GAB1: variants seen among roughly 807,000 people sequenced by gnomAD.
GAB1 encodes the protein GRB2 associated binding protein 1.
A neutral mutation model predicts 66.5 loss-of-function variants in GAB1; 19 were observed. The ratio of observed to expected loss-of-function variants is 0.29; its 90% CI spans 0.20 to 0.42. The LOEUF is 0.42. Among genes scored for constraint, GAB1 ranks in the 10% least tolerant of loss-of-function variants. The pLI, the probability that GAB1 is intolerant of heterozygous loss-of-function variation, is 1.00. For missense variants in GAB1, 732 were observed against 858.5 expected (o/e 0.85, Z 1.84); for synonymous variants, 294 against 301.4 (o/e 0.98, Z 0.25).
In GAB1 at chr4:143,433,625, C is replaced by G; in HGVS notation, c.502C>G (p.Pro168Ala). 1 of 1,613,974 alleles carries G rather than the reference C, an allele frequency of 6.2e-7. No individual in the cohort carries two copies. The highest frequency in any genetic ancestry group is 8.5e-7 in the Non-Finnish European group (1 of 1,179,890). The change falls in exon 3 of 10, where the codon CCA (proline) becomes GCA (alanine). Residue 168 changes from proline to alanine, a missense_variant. By Grantham distance (27) the Pro-to-Ala change is conservative. Coordinates refer to ENST00000262994, the MANE Select transcript of GAB1 (RefSeq NM_002039.4). Reference protein sequence around the residue: ...LPPPYQLINVPPHLETLGIQE... With the variant: ...LPPPYQLINVAPHLETLGIQE... ...TCCTCCATATCAGCTAATCAATGTTCCACCACACCTGGAAACTCTTGGCAT... is the reference window on the plus strand; with the variant it reads ...TCCTCCATATCAGCTAATCAATGTTGCACCACACCTGGAAACTCTTGGCAT...
chr4:143,457,831 GT>G, intron 6 of GAB1: 5 of 900,910 alleles, frequency 5.5e-6, no homozygotes, highest in Admixed American at 3.3e-5. Context: ...AATGTTTTTT[GT>G]TTTTTTTCTA....
At chr4:143,396,430 A>G (rs1271427576) in intron 1 of GAB1, among the ~76,000 whole-genome samples, 1 of 152,066 alleles carries the variant, frequency 6.6e-6, no homozygotes, top group Non-Finnish European at 1.5e-5. Flanking sequence ...AGATGGGGGG[A>G]AAGGATGAAA....
chr4:143,380,166 T>A (rs985732749), intron 1 of GAB1, among the ~76,000 whole-genome samples: 2 of 151,392 alleles, frequency 1.3e-5, no homozygotes, highest in African/African-American at 2.4e-5. Context: ...TCAGTTTTTT[T>A]ATTCATAAAA....
chr4:143,445,227 C>A (rs1420643957), intron 6 of GAB1, among the ~76,000 whole-genome samples: 2 of 152,146 alleles, frequency 1.3e-5, no homozygotes, highest in Admixed American at 6.6e-5. Flanking sequence ...ATAAGCATTC[C>A]CTTTTCTTCA....
intron 1 of GAB1, among the ~76,000 whole-genome samples, chr4:143,338,813 C>T (rs772329010): frequency 4.1e-4 from 62 of 151,852 alleles, no homozygotes; most frequent in Non-Finnish European, 5.6e-4. Flanking sequence ...AAAACAGATT[C>T]TTGGAGGAAT....
At chr4:143,402,826 C>T (rs28925883) in intron 1 of GAB1, among the ~76,000 whole-genome samples, 3,091 of 152,312 alleles carry the variant, frequency 0.02, 95 homozygotes, top group African/African-American at 0.071. Context: ...AATCCCTGTG[C>T]TCCAAACTGA....
chr4:143,395,720 A>G (rs1235027861), intron 1 of GAB1: 6 of 334,984 alleles, frequency 1.8e-5, no homozygotes, highest in Admixed American at 1.3e-4. Context: ...TTTTGAAACC[A>G]TGTTCTTTTA....
intron 1 of GAB1, among the ~76,000 whole-genome samples, chr4:143,414,086 G>T (rs7663082): frequency 0.029 from 4,344 of 152,074 alleles, 211 homozygotes; most frequent in African/African-American, 0.1. Context: ...GCCTCCCAAT[G>T]TGCTGGGATT....
At chr4:143,461,369 A>G (rs991521709) in intron 8 of GAB1, among the ~76,000 whole-genome samples, 16 of 152,296 alleles carry the variant, frequency 1.1e-4, no homozygotes, top group African/African-American at 9.6e-5. Context: ...GCTCTGTTCC[A>G]TAGAGTCTTC....
intron 1 of GAB1, among the ~76,000 whole-genome samples, chr4:143,379,025 C>A (rs761193134): frequency 1.3e-4 from 19 of 151,998 alleles, no homozygotes; most frequent in Non-Finnish European, 2.5e-4. Context: ...CCCCCAAACC[C>A]GAGGAGCTTT....
intron 1 of GAB1, among the ~76,000 whole-genome samples, chr4:143,386,106 C>T (rs1309430836): frequency 2.6e-5 from 4 of 152,198 alleles, no homozygotes; most frequent in African/African-American, 9.7e-5. Context: ...CACGCCACTG[C>T]ACTCCAGCCT....
At chr4:143,463,643 T>C (rs979723303) in intron 8 of GAB1, among the ~76,000 whole-genome samples, 1 of 142,458 alleles carries the variant, frequency 7.0e-6, no homozygotes, top group Admixed American at 6.9e-5. Context: ...AAAAAAAAAA[T>C]CTCACACTAC....
chr4:143,395,100 A>G (rs1731377396), intron 1 of GAB1: 2 of 152,324 alleles, frequency 1.3e-5, no homozygotes, highest in South Asian at 4.1e-4. Flanking sequence ...TAAACGCATG[A>G]GAGTGTTATA....
At chr4:143,414,482 A>G (rs1394976329) in intron 1 of GAB1, among the ~76,000 whole-genome samples, 2 of 152,126 alleles carry the variant, frequency 1.3e-5, no homozygotes, top group Non-Finnish European at 2.9e-5. Context: ...TTGCCCATGT[A>G]TGTTTGTTGG....
intron 1 of GAB1, among the ~76,000 whole-genome samples, chr4:143,339,136 C>T (rs1275482684): frequency 6.6e-6 from 1 of 152,220 alleles, no homozygotes. Context: ...GAAAACAGTC[C>T]TGCATTTGAA....
At chr4:143,364,949 G>T (rs963831420) in intron 1 of GAB1, among the ~76,000 whole-genome samples, 1 of 147,144 alleles carries the variant, frequency 6.8e-6, no homozygotes, top group Non-Finnish European at 1.5e-5. Context: ...GCTATCTCGG[G>T]TCACTGCAAG....
intron 6 of GAB1, among the ~76,000 whole-genome samples, chr4:143,454,399 A>G (rs893257779): frequency 6.6e-6 from 1 of 152,242 alleles, no homozygotes; most frequent in South Asian, 2.1e-4. Flanking sequence ...AAGAATTGCA[A>G]TTTGAGATAC....
At position 143,439,701 on chromosome 4, in the gene GAB1, G is replaced by A. The variant is rs1322237196; in HGVS notation, c.1196-101G>A. ...TAAAATTCTGTGTGTGTGCATGTGT[G>A]TATGCATATGTATAATGAGAGAAAG... On this transcript the variant is annotated intron_variant, in intron 4 of 9. Coordinates refer to ENST00000262994, the MANE Select transcript of GAB1 (RefSeq NM_002039.4). The A allele has an allele frequency of 5.4e-6, 4 of 746,492 alleles. No homozygotes were observed. In the Admixed American group the frequency reaches 6.3e-5, roughly 12 times the overall value. 46.2% of individuals were successfully genotyped at this position (746,492 alleles called of 1,614,324 possible). A position where few individuals can be genotyped will look rare whatever the true frequency, so the allele number is the denominator to read the frequency against.
At chr4:143,399,600 T>C (rs910354498) in intron 1 of GAB1, among the ~76,000 whole-genome samples, 3 of 152,206 alleles carry the variant, frequency 2.0e-5, no homozygotes, top group Non-Finnish European at 4.4e-5. Context: ...CCCATATCAA[T>C]ACACTGCATC....
Sources: gnomAD v4.1 joint callset for allele counts (sites outside exome capture counted in the v4.1 genomes callset) on GRCh38, gnomAD v4.1.1 for gene constraint, MANE v1.5 for transcripts, NCBI Gene and HGNC (gene_info 2026-07-23, HGNC 2026-07-21) for gene names.